The following PROSER2 variants were observed in gnomAD, a reference collection of about 807,000 sequenced individuals.
The protein encoded by PROSER2 is proline and serine rich 2, also known as proline and serine-rich protein 2.
A neutral mutation model predicts 14.6 loss-of-function variants in PROSER2; 18 were observed. The observed-to-expected ratio is 1.23, with a 90% CI of 0.85 to 1.83. The LOEUF is 1.83. Ranked by LOEUF, PROSER2 falls within the 40% of genes most tolerant of loss-of-function variation. The probability of loss-of-function intolerance (pLI) is 0.00; values close to 1 mark genes in which losing one functional copy is unlikely to be tolerated. For synonymous variants in PROSER2, 367 were observed against 286.4 expected (o/e 1.28, Z -2.84); for missense variants, 823 against 629.8 (o/e 1.31, Z -3.28).
intron 2 of PROSER2, among the ~76,000 whole-genome samples, chr10:11,853,339 G>C (rs1834064898): frequency 6.6e-6 from 1 of 152,166 alleles, no homozygotes; most frequent in South Asian, 2.1e-4. Context: ...TGTAATCCCG[G>C]CACTTTGGGA....
At position 11,870,458 on chromosome 10, in the gene PROSER2, TGAAA is replaced by T; in HGVS notation, c.*55_*58del. The T allele has an allele frequency of 7.4e-7, 1 of 1,359,256 alleles. No individual in the cohort carries two copies. Among genetic ancestry groups the T allele is most frequent in the Non-Finnish European group, 9.6e-7 (1 of 1,038,080 alleles). 84.2% of individuals were successfully genotyped at this position (1,359,256 alleles called of 1,614,324 possible). A position where few individuals can be genotyped will look rare whatever the true frequency, so the allele number is the denominator to read the frequency against. ...GTTTCTCCCCACCCTGAAGAGAGGG[TGAAA>T]GAGTCGCTGCACCCAGGAGCTGTTT... On this transcript the variant is annotated 3_prime_UTR_variant, in exon 4 of 4. Transcript: ENST00000277570.
chr10:11,864,484 TG>T (rs1834305283), intron 2 of PROSER2, among the ~76,000 whole-genome samples: 1 of 152,208 alleles, frequency 6.6e-6, no homozygotes, highest in Non-Finnish European at 1.5e-5. Context: ...TGAATGTAGT[TG>T]CTACATAATG....
intron 2 of PROSER2, among the ~76,000 whole-genome samples, chr10:11,854,303 G>A (rs1834081952): frequency 1.3e-5 from 2 of 152,184 alleles, no homozygotes; most frequent in Non-Finnish European, 1.5e-5. Context: ...GACAACTAAA[G>A]TGGTTTTCTG....
rs1251413503 is a variant in PROSER2 at position 11,865,239 on chromosome 10, T to C, written c.139-1292T>C. On this transcript the variant is annotated intron_variant, in intron 2 of 3. Transcript: ENST00000277570. The surrounding 1 kb of genome is among the most constrained non-coding windows in gnomAD (Gnocchi z 4.2). ...TTTTCTGATTTTACAACTTTATCTT[T>C]TAGGCTTTTATTTAGTTTTTCATTT... 6.6e-6 allele frequency among the ~76,000 whole-genome samples: 1 copy of C among 152,202 alleles called. No individual in the cohort carries two copies. Among genetic ancestry groups the C allele is most frequent in the African/African-American group, 2.4e-5 (1 of 41,468 alleles).
chr10:11,859,628 C>T (rs1834195885), intron 2 of PROSER2, among the ~76,000 whole-genome samples: 1 of 152,200 alleles, frequency 6.6e-6, no homozygotes, highest in South Asian at 2.1e-4. Context: ...CTTCCAACAG[C>T]ACCCAGCCCT....
At position 11,838,031 on chromosome 10, in the gene PROSER2, G is replaced by T. The variant is rs142246681; in HGVS notation, c.-81-13966G>T. 9.2e-5 allele frequency among the ~76,000 whole-genome samples: 14 copies of T among 152,066 alleles called. No individual in the cohort carries two copies. Among genetic ancestry groups the T allele is most frequent in the African/African-American group, 2.7e-4 (11 of 41,460 alleles). On this transcript the variant is annotated intron_variant, in intron 1 of 3. Transcript: ENST00000277570. This position sits in a 1 kb window ranked among gnomAD's most constrained non-coding sequence, Gnocchi z 4.4. Reference sequence around the variant, plus strand: ...CCTGTATCATCTCCTGACATACTGGGTCTTTCAAAGGCTCCAAGGTGCTGA... The same window carrying T: ...CCTGTATCATCTCCTGACATACTGGTTCTTTCAAAGGCTCCAAGGTGCTGA...
rs1834417711 is a variant in PROSER2 at position 11,869,402 on chromosome 10, G to A, written c.392-88G>A. The A allele has an allele frequency of 1.0e-6, 1 of 998,128 alleles. No homozygotes were observed. Among genetic ancestry groups the A allele is most frequent in the Admixed American group, 1.9e-5 (1 of 53,272 alleles). 61.8% of individuals were successfully genotyped at this position (998,128 alleles called of 1,614,324 possible). On this transcript the variant is annotated intron_variant, in intron 3 of 3. Coordinates refer to ENST00000277570, the MANE Select transcript of PROSER2 (RefSeq NM_153256.4). This position sits in a 1 kb window ranked among gnomAD's most constrained non-coding sequence, Gnocchi z 4.4. ...GCGAAGTTGGTGTCAGGTCCAGGTT[G>A]AGGCTCTTTTCAGTTCAGCGAGAGG...
At chr10:11,841,772 G>A (rs1833848638) in intron 1 of PROSER2, among the ~76,000 whole-genome samples, 1 of 152,134 alleles carries the variant, frequency 6.6e-6, no homozygotes, top group Admixed American at 6.6e-5. Flanking sequence ...AATTTGCTGA[G>A]ACTTGCTTTC....
rs1223349944 is a variant in PROSER2, at chr10:11,838,604, G to C, written c.-81-13393G>C. The stretch of plus-strand genomic sequence containing the variant: ...TATTGCCCAGTTGCCCTACAGAAAG[G>C]TTGTATGAATTCATTCCCAGCAGGT... On this transcript the variant is annotated intron_variant, in intron 1 of 3. Transcript: ENST00000277570. This position sits in a 1 kb window ranked among gnomAD's most constrained non-coding sequence, Gnocchi z 4.4. 6.6e-6 allele frequency among the ~76,000 whole-genome samples: 1 copy of C among 152,202 alleles called. No homozygotes were observed. The highest frequency in any genetic ancestry group is 1.5e-5 in the Non-Finnish European group (1 of 68,044).
At position 11,865,245 on chromosome 10, in the gene PROSER2, T is replaced by C. The variant is rs1834322024; in HGVS notation, c.139-1286T>C. ...GATTTTACAACTTTATCTTTTAGGCTTTTATTTAGTTTTTCATTTTTTTGT... is the reference window on the plus strand; with the variant it reads ...GATTTTACAACTTTATCTTTTAGGCCTTTATTTAGTTTTTCATTTTTTTGT... On this transcript the variant is annotated intron_variant, in intron 2 of 3. Coordinates refer to ENST00000277570, the MANE Select transcript of PROSER2 (RefSeq NM_153256.4). This position sits in a 1 kb window ranked among gnomAD's most constrained non-coding sequence, Gnocchi z 4.2. Among the ~76,000 whole-genome samples the C allele has an allele frequency of 6.6e-6, 1 of 152,184 alleles. No homozygotes were observed. Among genetic ancestry groups the C allele is most frequent in the Non-Finnish European group, 1.5e-5 (1 of 68,038 alleles).
intron 1 of PROSER2, among the ~76,000 whole-genome samples, chr10:11,846,940 G>A (rs1833930091): frequency 6.6e-6 from 1 of 151,582 alleles, no homozygotes; most frequent in African/African-American, 2.4e-5. Flanking sequence ...GGTGGGGTCG[G>A]GGGGCATCTC....
chr10:11,832,030 G>A (rs889993765), intron 1 of PROSER2, among the ~76,000 whole-genome samples: 9 of 152,138 alleles, frequency 5.9e-5, no homozygotes, highest in African/African-American at 2.2e-4. Context: ...AAAAAAATAA[G>A]TGAAAGCATG....
chr10:11,847,561 G>T (rs576969966), intron 1 of PROSER2, among the ~76,000 whole-genome samples: 1 of 152,260 alleles, frequency 6.6e-6, no homozygotes, highest in Admixed American at 6.5e-5. Context: ...GGGATTACAG[G>T]TGCCTGCCAC....
Position 11,866,674 on chromosome 10 carries a change from G to A in PROSER2, c.282G>A (p.Leu94=), listed in dbSNP as rs1244993886. 1.2e-6 allele frequency: 2 copies of A among 1,614,142 alleles called. No homozygotes were observed. The highest frequency in any genetic ancestry group is 2.2e-5 in the South Asian group (2 of 91,080). The change falls in exon 3 of 4, where the codon CTG becomes CTA. Residue 94 remains leucine (L), a synonymous_variant. Transcript: ENST00000277570. This position sits in a 1 kb window ranked among gnomAD's most constrained non-coding sequence, Gnocchi z 6.0. ...GGVCCLCSPS[L]EESTSSPSEP... ...TGTGCTGCCTCTGCTCCCCGTCTCTGGAGGAGAGCACCTCCAGTCCCTCCG... is the reference window on the plus strand; with the variant it reads ...TGTGCTGCCTCTGCTCCCCGTCTCTAGAGGAGAGCACCTCCAGTCCCTCCG...
intron 1 of PROSER2, among the ~76,000 whole-genome samples, chr10:11,841,751 C>T (rs1295443212): frequency 6.6e-6 from 1 of 152,142 alleles, no homozygotes; most frequent in Non-Finnish European, 1.5e-5. Flanking sequence ...TATTTGATAC[C>T]AGTCTCTTAA....
chr10:11,835,876 G>A lies in PROSER2; in HGVS notation c.-82+12406G>A, dbSNP rs190616957. Among the ~76,000 whole-genome samples, 295 of 152,266 alleles carry A rather than the reference G, an allele frequency of 1.9e-3. 3 individuals are homozygous for A. The highest frequency in any genetic ancestry group is 6.5e-3 in the African/African-American group (271 of 41,564). On this transcript the variant is annotated intron_variant, in intron 1 of 3. Coordinates refer to ENST00000277570, the MANE Select transcript of PROSER2 (RefSeq NM_153256.4). ...ATTTTCACCCACCGCTTCCCCATAT[G>A]AAGAAGCCCACTCATGGTAGTGAGC...
At chr10:11,853,686 G>A (rs892027499) in intron 2 of PROSER2, among the ~76,000 whole-genome samples, 7 of 152,056 alleles carry the variant, frequency 4.6e-5, no homozygotes, top group Admixed American at 3.9e-4. Context: ...TCATCCTGCC[G>A]CCACCATCTT....
Position 11,836,517 on chromosome 10 carries a change from A to G in PROSER2, c.-82+13047A>G, listed in dbSNP as rs544159796. On this transcript the variant is annotated intron_variant, in intron 1 of 3. Coordinates refer to ENST00000277570, the MANE Select transcript of PROSER2 (RefSeq NM_153256.4). This position sits in a 1 kb window ranked among gnomAD's most constrained non-coding sequence, Gnocchi z 4.6. Reference sequence around the variant, plus strand: ...TGGCCAGGATGTCGCTTTAAAGACAATTTCTTTCCTAAGATATGTTTATTC... The same window carrying G: ...TGGCCAGGATGTCGCTTTAAAGACAGTTTCTTTCCTAAGATATGTTTATTC... 6.6e-5 allele frequency among the ~76,000 whole-genome samples: 10 copies of G among 152,170 alleles called. No homozygotes were observed. The highest frequency in any genetic ancestry group is 1.9e-4 in the African/African-American group (8 of 41,508).
Position 11,838,667 on chromosome 10 carries a change from A to AT in PROSER2, c.-81-13324dup, listed in dbSNP as rs1202298471. Among the ~76,000 whole-genome samples the AT allele has an allele frequency of 3.3e-5, 5 of 152,100 alleles. No individual in the cohort carries two copies. Among genetic ancestry groups the AT allele is most frequent in the African/African-American group, 7.2e-5 (3 of 41,410 alleles). On this transcript the variant is annotated intron_variant, in intron 1 of 3. Transcript: ENST00000277570. This position sits in a 1 kb window ranked among gnomAD's most constrained non-coding sequence, Gnocchi z 4.4. ...ACCCACATTCTTGCTGACACTTGTT[A>AT]TTTTTTGTCTAATTTTTGCCACTCC...
Sources: allele counts gnomAD v4.1 joint callset (sites outside exome capture counted in the v4.1 genomes callset), GRCh38; gene constraint gnomAD v4.1.1; non-coding constraint Gnocchi (gnomAD v3.1); transcripts MANE v1.5; gene names NCBI Gene and HGNC (gene_info 2026-07-23, HGNC 2026-07-21).